The following DNAAF9 variants were observed in gnomAD, a reference collection of about 807,000 sequenced individuals.
DNAAF9 encodes shulin.
Under a neutral mutation model 167.0 loss-of-function variants are expected in DNAAF9, and 90 were observed. The ratio of observed to expected loss-of-function variants is 0.54; its 90% confidence interval spans 0.45 to 0.64. The LOEUF (loss-of-function observed/expected upper bound fraction) is 0.64, where lower values mean the gene tolerates loss of function less well. Ranked by LOEUF, DNAAF9 falls within the 30% of genes least tolerant of loss-of-function variation. DNAAF9 has a pLI of 0.00. For missense variants in DNAAF9, 1,315 were observed against 1,442.2 expected (o/e 0.91, Z 1.43); for synonymous variants, 491 against 508.8 (o/e 0.96, Z 0.47).
At chr20:3,322,934 TGACTCTTG>T (rs1207716691) in intron 14 of DNAAF9, among the ~76,000 whole-genome samples, 1 of 151,930 alleles carries the variant, frequency 6.6e-6, no homozygotes. Flanking sequence ...AGGACGGTCT[TGACTCTTG>T]GACCACAACA....
chr20:3,400,711 T>C (rs1433261682), intron 1 of DNAAF9, among the ~76,000 whole-genome samples: 2 of 152,090 alleles, frequency 1.3e-5, no homozygotes, highest in African/African-American at 4.8e-5. Flanking sequence ...TCTCATTCAC[T>C]CCCCTCTCCA....
rs201050395 is a variant in DNAAF9 at position 3,294,107 on chromosome 20, G to A, written c.2238+32C>T. The A allele has an allele frequency of 5.6e-5, 67 of 1,198,452 alleles. No individual in the cohort carries two copies. In the East Asian group the frequency reaches 1.5e-3, roughly 26 times the overall value. The allele number at this position is 1,198,452 out of a possible 1,614,324, so 74.2% of individuals were successfully genotyped here. A position where few individuals can be genotyped will look rare whatever the true frequency, so the allele number is the denominator to read the frequency against. ...CAGGCTCTCAAGATCATCTTCCTGT[G>A]AATTCCCAGCATATCTGGTGAGCTC... On this transcript the variant is annotated intron_variant, in intron 25 of 36. Coordinates refer to ENST00000252032, the MANE Select transcript of DNAAF9 (RefSeq NM_001009984.3).
At chr20:3,309,786 C>T (rs933980727) in intron 20 of DNAAF9, among the ~76,000 whole-genome samples, 69 of 152,142 alleles carry the variant, frequency 4.5e-4, no homozygotes, top group African/African-American at 1.6e-3. Flanking sequence ...TACATTAAAA[C>T]TAAGAACTTT....
chr20:3,288,630 CTA>C (rs1378706527), intron 26 of DNAAF9, among the ~76,000 whole-genome samples: 1 of 152,218 alleles, frequency 6.6e-6, no homozygotes, highest in Non-Finnish European at 1.5e-5. Flanking sequence ...TGCCGACTCT[CTA>C]TGCAATTTCA....
At chr20:3,343,160 G>A (rs1022428288) in intron 9 of DNAAF9, among the ~76,000 whole-genome samples, 1 of 152,132 alleles carries the variant, frequency 6.6e-6, no homozygotes, top group Admixed American at 6.5e-5. Context: ...GCAGACAACA[G>A]TGATTTATTT....
chr20:3,365,771 T>C (rs1488600566), intron 6 of DNAAF9, among the ~76,000 whole-genome samples: 2 of 152,222 alleles, frequency 1.3e-5, no homozygotes, highest in East Asian at 3.8e-4. Flanking sequence ...CTTTATTAAC[T>C]AAGTTTGCAG....
intron 6 of DNAAF9, among the ~76,000 whole-genome samples, chr20:3,364,875 C>T (rs888796105): frequency 6.6e-6 from 1 of 151,618 alleles, no homozygotes; most frequent in Non-Finnish European, 1.5e-5. Context: ...ATCCCTTTCC[C>T]TCCCTTCCCC....
At chr20:3,279,030 A>C (rs2068721412) in intron 28 of DNAAF9, 81 bp from the exon 29 acceptor site, 2 of 995,648 alleles carry the variant, frequency 2.0e-6, no homozygotes, top group South Asian at 2.8e-5. Flanking sequence ...AAATAGGAGT[A>C]CCACTGACAA....
chr20:3,343,616 C>T (rs1233628389), intron 9 of DNAAF9, 60 bp downstream of exon 9: 1 of 1,396,530 alleles, frequency 7.2e-7, no homozygotes, highest in Non-Finnish European at 1.0e-6. Flanking sequence ...CAGCCAACCC[C>T]TTTGCCACCT....
Position 3,256,127 on chromosome 20 carries a change from G to A in DNAAF9, c.3140C>T (p.Pro1047Leu), listed in dbSNP as rs752556551. 6.2e-7 allele frequency: 1 copy of A among 1,614,178 alleles called. No individual in the cohort carries two copies. The highest frequency in any genetic ancestry group is 8.5e-7 in the Non-Finnish European group (1 of 1,179,982). ...TTGAGATACGCTTTTGGAGTCTGGT[G>A]GTGGTGTGGGTCCTTCCAAAACTGG... is the stretch of plus-strand genomic sequence containing the variant. ...IMPVLEGPTP[P>L]PDSKSVSQDS... Residue 1047 changes from proline (P) to leucine (L), a missense_variant, in exon 34 of 37, where the codon CCA (proline) becomes CTA (leucine). Physicochemically the swap from Pro to Leu is moderately conservative, Grantham distance 98. This residue lies in a region of DNAAF9 where 334 missense variants were observed against 429.7 expected (regional missense o/e 0.78). Transcript: ENST00000252032.
intron 21 of DNAAF9, among the ~76,000 whole-genome samples, chr20:3,300,727 A>G (rs560902530): frequency 7.9e-6 from 1 of 127,344 alleles, no homozygotes; most frequent in African/African-American, 2.9e-5. Context: ...TAATAATAAT[A>G]ATTTTTTGTA....
chr20:3,397,719 TGG>T (rs11087582), intron 1 of DNAAF9, among the ~76,000 whole-genome samples: 30,342 of 147,180 alleles, frequency 0.21, 3,252 homozygotes, highest in Non-Finnish European at 0.22. Flanking sequence ...AGATTTTTTT[TGG>T]GGGGGGGGAA....
At chr20:3,347,205 A>C (rs1212235499) in intron 8 of DNAAF9, among the ~76,000 whole-genome samples, 1 of 152,210 alleles carries the variant, frequency 6.6e-6, no homozygotes, top group Non-Finnish European at 1.5e-5. Flanking sequence ...AGGACTTCTC[A>C]TCAGAAATAA....
Position 3,344,511 on chromosome 20 carries a change from A to G in DNAAF9, c.790-780T>C, listed in dbSNP as rs2123122069. The stretch of plus-strand genomic sequence containing the variant: ...CATAGATAATATATGATTGCACTAA[A>G]CTTTATTAAATAGTCTTCTGTTCAT... On this transcript the variant is annotated intron_variant, in intron 8 of 36. Coordinates refer to ENST00000252032, the MANE Select transcript of DNAAF9 (RefSeq NM_001009984.3). Among the ~76,000 whole-genome samples, 3 of 152,092 alleles carry G rather than the reference A, an allele frequency of 2.0e-5. No individual in the cohort carries two copies. The Middle Eastern group carries it at 0.01, about 517-fold the overall frequency.
intron 8 of DNAAF9, among the ~76,000 whole-genome samples, chr20:3,344,262 A>T (rs935580511): frequency 1.3e-5 from 2 of 152,190 alleles, no homozygotes; most frequent in African/African-American, 4.8e-5. Context: ...CAGCTTTTGG[A>T]TGCATAGTGT....
chr20:3,301,472 G>A (rs1175808516), intron 21 of DNAAF9, among the ~76,000 whole-genome samples: 1 of 152,144 alleles, frequency 6.6e-6, no homozygotes, highest in Non-Finnish European at 1.5e-5. Flanking sequence ...ACAGGCGTGA[G>A]CCACCACGCC....
intron 20 of DNAAF9, among the ~76,000 whole-genome samples, chr20:3,310,541 T>C (rs534381548): frequency 6.6e-6 from 1 of 151,122 alleles, no homozygotes; most frequent in Non-Finnish European, 1.5e-5. Context: ...AAAAATTAGC[T>C]GGGCCTGATG....
intron 30 of DNAAF9, among the ~76,000 whole-genome samples, chr20:3,268,896 A>ACTTT (rs2068536342): frequency 2.5e-5 from 2 of 80,840 alleles, no homozygotes; most frequent in Non-Finnish European, 5.1e-5. Context: ...TCTCTATGTT[A>ACTTT]CTTTTTTTTT....
rs752407110 is a variant in DNAAF9 at position 3,381,486 on chromosome 20, C to G, written c.176G>C (p.Arg59Thr). 3 of 1,613,636 alleles carry G rather than the reference C, an allele frequency of 1.9e-6. 1 individual carries two copies. The South Asian group carries it at 3.3e-5, about 18-fold the overall frequency. Residue 59 changes from arginine to threonine, a missense_variant, in exon 3 of 37, where the codon AGG (arginine) becomes ACG (threonine). Arg to Thr is a moderately conservative substitution (Grantham distance 71). This residue lies in a region of DNAAF9 where 981 missense variants were observed against 1,012.5 expected (regional missense o/e 0.97). Transcript: ENST00000252032. Reference protein sequence around the residue: ...GILCILGIDSRYNEGCRELAN... With the variant: ...GILCILGIDSTYNEGCRELAN... ...CAGCTCTCTGCAGCCTTCATTGTAC[C>G]TGCTATCGATTCCTGCAAGGCAAAG...
Sources: allele counts gnomAD v4.1 joint callset (sites outside exome capture counted in the v4.1 genomes callset), GRCh38; gene constraint gnomAD v4.1.1; regional missense constraint gnomAD v4.1.1; transcripts MANE v1.5; gene names NCBI Gene and HGNC (gene_info 2026-07-23, HGNC 2026-07-21).